The following GPT variants were observed in gnomAD, a reference collection of about 807,000 sequenced individuals.
GPT encodes glutamic--pyruvic transaminase, also known as alanine aminotransferase 1.
Under a neutral mutation model 51.4 loss-of-function variants are expected in GPT, and 60 were observed. The observed-to-expected ratio is 1.17, with a 90% CI of 0.95 to 1.45. The LOEUF is 1.45. Ranked by LOEUF, GPT falls within the 40% of genes most tolerant of loss-of-function variation. The pLI, the probability that GPT is intolerant of heterozygous loss-of-function variation, is 0.00. For missense variants in GPT, 853 were observed against 704.0 expected, an observed-to-expected ratio of 1.21 and a Z score of -2.40; for synonymous variants, 397 against 303.1, an observed-to-expected ratio of 1.31 and a Z score of -3.22.
chr8:144,504,744 C>T, intron 2 of GPT, 27 bp from the exon 3 acceptor site: 2 of 1,612,908 alleles, frequency 1.2e-6, no homozygotes, highest in Non-Finnish European at 1.7e-6. Context: ...GCCCATGTGC[C>T]CTGGCCTCAG....
Position 144,506,820 on chromosome 8 carries a change from G to T in GPT, c.1377G>T (p.Gln459His), listed in dbSNP as rs1480297965. Reference sequence around the variant, plus strand: ...TGGTGCCAGGGAGCGGCTTTGGGCAGCGGGAAGGCACCTACCACTTCCGGT... The same window carrying T: ...TGGTGCCAGGGAGCGGCTTTGGGCATCGGGAAGGCACCTACCACTTCCGGT... ...ICVVPGSGFG[Q>H]REGTYHFRMT... is the part of the protein sequence containing the mutation. The change falls in exon 10 of 11, where the codon CAG (glutamine) becomes CAT (histidine). Residue 459 changes from glutamine to histidine, a missense_variant. Physicochemically the swap from Gln to His is conservative, Grantham distance 24 (BLOSUM62 0). Transcript: ENST00000394955. This position sits in a 1 kb window ranked among gnomAD's most constrained non-coding sequence, Gnocchi z 7.0. The T allele has an allele frequency of 6.2e-7, 1 of 1,612,672 alleles. No homozygotes were observed. The highest frequency in any genetic ancestry group is 8.5e-7 in the Non-Finnish European group (1 of 1,180,000).
chr8:144,504,373 G>A lies in GPT; in HGVS notation c.69G>A (p.Leu23=). 2 of 1,611,708 alleles carry A rather than the reference G, an allele frequency of 1.2e-6. No homozygotes were observed. The highest frequency in any genetic ancestry group is 1.7e-6 in the Non-Finnish European group (2 of 1,179,940). Reference sequence around the variant, plus strand: ...GACTGAGGGCGAAGGTGCTGACGCTGGACGGCATGAACCCGCGTGTGCGGA... The same window carrying A: ...GACTGAGGGCGAAGGTGCTGACGCTAGACGGCATGAACCCGCGTGTGCGGA... ...RHGLRAKVLT[L]DGMNPRVRRV... is the part of the protein sequence containing the mutation. Residue 23 remains leucine (L), a synonymous_variant, in exon 1 of 11, where the codon CTG becomes CTA. Transcript: ENST00000394955.
At position 144,505,137 on chromosome 8, in the gene GPT, C is replaced by T. The variant is rs1586773090; in HGVS notation, c.495+6C>T. ...GGGCCAGCGATGCCATCGTGGTAGG[C>T]TGGGCATGGGCACCAAGACATTCCT... On this transcript the variant is annotated splice_donor_region_variant and intron_variant, in intron 4 of 10. Coordinates refer to ENST00000394955, the MANE Select transcript of GPT (RefSeq NM_005309.3). 2 of 1,612,934 alleles carry T rather than the reference C, an allele frequency of 1.2e-6. No individual in the cohort carries two copies. The highest frequency in any genetic ancestry group is 2.2e-5 in the South Asian group (2 of 91,088).
At position 144,505,047 on chromosome 8, in the gene GPT, G is replaced by A. The variant is rs372141763; in HGVS notation, c.411G>A (p.Ala137=). 2.9e-5 allele frequency: 46 copies of A among 1,613,040 alleles called. No individual in the cohort carries two copies. The highest frequency in any genetic ancestry group is 6.7e-5 in the African/African-American group (5 of 74,914). ...TCCAGCTGATCCGGGAGGACGTGGC[G>A]CGGTACATTGAGAGGCGTGACGGAG... ...SGIQLIREDV[A]RYIERRDGGI... The change falls in exon 4 of 11, where the codon GCG becomes GCA. Residue 137 remains alanine (A), a synonymous_variant. Coordinates refer to ENST00000394955, the MANE Select transcript of GPT (RefSeq NM_005309.3).
At chr8:144,504,927 G>A (rs1173477064) in intron 3 of GPT, 48 bp downstream of exon 3, 80 of 1,612,770 alleles carry the variant, frequency 5.0e-5, no homozygotes, top group Non-Finnish European at 6.7e-5. Flanking sequence ...TGCCACTGGA[G>A]GAGGGAAGTC....
Position 144,506,162 on chromosome 8 carries a change from CGGGCCATGGCCAGGCCCTCCTCGCCCGAT to C in GPT, c.956+38_957-35del, listed in dbSNP as rs1564778422. The C allele has an allele frequency of 1.2e-6, 2 of 1,604,452 alleles. No individual in the cohort carries two copies. Among genetic ancestry groups the C allele is most frequent in the East Asian group, 4.5e-5 (2 of 44,578 alleles). On this transcript the variant is annotated intron_variant, in intron 7 of 10. Coordinates refer to ENST00000394955, the MANE Select transcript of GPT (RefSeq NM_005309.3). This position sits in a 1 kb window ranked among gnomAD's most constrained non-coding sequence, Gnocchi z 7.0. The stretch of plus-strand genomic sequence containing the variant: ...TGCGTACGAGGCGGGTGGGGGCTCG[CGGGCCATGGCCAGGCCCTCCTCGCCCGAT>C]GGGCCACCCCCTCCTCCGCACCTGA...
In GPT at chr8:144,505,048, C is replaced by A; in HGVS notation, c.412C>A (p.Arg138=). 1 of 1,613,156 alleles carries A rather than the reference C, an allele frequency of 6.2e-7. No homozygotes were observed. The highest frequency in any genetic ancestry group is 8.5e-7 in the Non-Finnish European group (1 of 1,180,000). Residue 138 remains arginine (R), a synonymous_variant, in exon 4 of 11, where the codon CGG becomes AGG. Transcript: ENST00000394955. The part of the protein sequence containing the change: ...GIQLIREDVA[R]YIERRDGGIP... ...CCAGCTGATCCGGGAGGACGTGGCG[C>A]GGTACATTGAGAGGCGTGACGGAGG...
At position 144,505,491 on chromosome 8, in the gene GPT, T is replaced by A; in HGVS notation, c.739+2T>A. ...TCATCAACCCTGGCAACCCCACCGGTGCGTTCCCCGCCGCCCCGCCCCACT... is the reference window on the plus strand; with the variant it reads ...TCATCAACCCTGGCAACCCCACCGGAGCGTTCCCCGCCGCCCCGCCCCACT... On this transcript the variant is annotated splice_donor_variant, in intron 5 of 10. Transcript: ENST00000394955. LOFTEE classifies it high-confidence loss of function. 1 of 1,562,768 alleles carries A rather than the reference T, an allele frequency of 6.4e-7. No individual in the cohort carries two copies. Among genetic ancestry groups the A allele is most frequent in the Middle Eastern group, 2.3e-4 (1 of 4,376 alleles).
At position 144,504,782 on chromosome 8, in the gene GPT, C is replaced by G; in HGVS notation, c.264C>G (p.Leu88=). 1 of 1,613,666 alleles carries G rather than the reference C, an allele frequency of 6.2e-7. No homozygotes were observed. The highest frequency in any genetic ancestry group is 8.5e-7 in the Non-Finnish European group (1 of 1,179,976). ...PITFLRQVLA[L]CVNPDLLSSP... ...CTCCGTCTTCCCAGGTCTTGGCCCT[C>G]TGTGTTAACCCTGATCTTCTGAGCA... is the stretch of plus-strand genomic sequence containing the variant. Residue 88 remains leucine, a synonymous_variant, in exon 3 of 11, where the codon CTC becomes CTG. Coordinates refer to ENST00000394955, the MANE Select transcript of GPT (RefSeq NM_005309.3).
chr8:144,504,154 CGGTGAAGAG>C lies in GPT; in HGVS notation c.-146_-138del. 1 of 791,664 alleles carries C rather than the reference CGGTGAAGAG, an allele frequency of 1.3e-6. No individual in the cohort carries two copies. The highest frequency in any genetic ancestry group is 2.1e-6 in the Non-Finnish European group (1 of 478,316). The allele number at this position is 791,664 out of a possible 1,614,324, so 49.0% of individuals were successfully genotyped here. A position where few individuals can be genotyped will look rare whatever the true frequency, so the allele number is the denominator to read the frequency against. ...CTGTCCCTCCCAGTGAGGCCAGCTG[CGGTGAAGAG>C]GGTGCTCTCTTGCCTGGAGTTCCCT... On this transcript the variant is annotated 5_prime_UTR_variant, in exon 1 of 11. Coordinates refer to ENST00000394955, the MANE Select transcript of GPT (RefSeq NM_005309.3).
At position 144,506,539 on chromosome 8, in the gene GPT, C is replaced by A. The variant is rs149616184; in HGVS notation, c.1170C>A (p.Ala390=). 3 of 1,594,186 alleles carry A rather than the reference C, an allele frequency of 1.9e-6. No individual in the cohort carries two copies. Among genetic ancestry groups the A allele is most frequent in the Non-Finnish European group, 2.6e-6 (3 of 1,171,680 alleles). ...TGCTGGCAGAGCTGGCGGCCAAGGCCAAGCTCACCGAGCAGGTCTTCAATG... is the reference window on the plus strand; with the variant it reads ...TGCTGGCAGAGCTGGCGGCCAAGGCAAAGCTCACCGAGCAGGTCTTCAATG... ...QAVLAELAAK[A]KLTEQVFNEA... is the part of the protein sequence containing the mutation. Residue 390 remains alanine (A), a synonymous_variant, in exon 9 of 11, where the codon GCC becomes GCA. Transcript: ENST00000394955. The surrounding 1 kb of genome is among the most constrained non-coding windows in gnomAD (Gnocchi z 7.0).
Position 144,507,124 on chromosome 8 carries a change from C to T in GPT, c.*124C>T, listed in dbSNP as rs1251808593. 2.8e-6 allele frequency: 2 copies of T among 708,304 alleles called. No homozygotes were observed. Among genetic ancestry groups the T allele is most frequent in the East Asian group, 2.7e-5 (1 of 36,614 alleles). The allele number at this position is 708,304 out of a possible 1,614,324, so 43.9% of individuals were successfully genotyped here. Reference sequence around the variant, plus strand: ...GGTGGGGTGGGGGGGGTGCTGGGCCCCTGCCTCTCTGCAGGTCCCTAATAA... The same window carrying T: ...GGTGGGGTGGGGGGGGTGCTGGGCCTCTGCCTCTCTGCAGGTCCCTAATAA... On this transcript the variant is annotated 3_prime_UTR_variant, in exon 11 of 11. Transcript: ENST00000394955.
chr8:144,507,063 C>A lies in GPT; in HGVS notation c.*63C>A. On this transcript the variant is annotated 3_prime_UTR_variant, in exon 11 of 11. Coordinates refer to ENST00000394955, the MANE Select transcript of GPT (RefSeq NM_005309.3). Reference sequence around the variant, plus strand: ...GTGTGCTCAGGAGCCCTGGGAGGCTCTGGAGCCCACTGTACTTGCTCTTGA... The same window carrying A: ...GTGTGCTCAGGAGCCCTGGGAGGCTATGGAGCCCACTGTACTTGCTCTTGA... 1.5e-6 allele frequency: 1 copy of A among 676,020 alleles called. No individual in the cohort carries two copies. Among genetic ancestry groups the A allele is most frequent in the Non-Finnish European group, 2.4e-6 (1 of 416,060 alleles). The allele number at this position is 676,020 out of a possible 1,614,324, so 41.9% of individuals were successfully genotyped here.
At chr8:144,503,547 C>T (rs984315605), upstream of GPT, among the ~76,000 whole-genome samples, 16 of 152,054 alleles carry the variant, frequency 1.1e-4, no homozygotes, top group Admixed American at 8.5e-4. Flanking sequence ...CCCCCTCCCC[C>T]AGCCCCTCGC....
chr8:144,506,889 C>T lies in GPT; in HGVS notation c.1401-21C>T, dbSNP rs751016517. On this transcript the variant is annotated intron_variant, in intron 10 of 10. Coordinates refer to ENST00000394955, the MANE Select transcript of GPT (RefSeq NM_005309.3). The surrounding 1 kb of genome is among the most constrained non-coding windows in gnomAD (Gnocchi z 7.0). ...CCTGTCCCGCCACCCTGGCCCTTCA[C>T]TCACTGTCAACTCCTTTCAGGATGA... is the stretch of plus-strand genomic sequence containing the variant. 6.2e-7 allele frequency: 1 copy of T among 1,612,376 alleles called. No homozygotes were observed. Among genetic ancestry groups the T allele is most frequent in the Non-Finnish European group, 8.5e-7 (1 of 1,179,438 alleles).
chr8:144,505,720 C>G, intron 5 of GPT, 128 bp from the exon 6 acceptor site: 1 of 725,950 alleles, frequency 1.4e-6, no homozygotes, highest in South Asian at 1.7e-5. Context: ...CGCCGCCCCG[C>G]CCCACTCCTC....
At position 144,507,105 on chromosome 8, in the gene GPT, G is replaced by GA; in HGVS notation, c.*105_*106insA. On this transcript the variant is annotated 3_prime_UTR_variant, in exon 11 of 11. Coordinates refer to ENST00000394955, the MANE Select transcript of GPT (RefSeq NM_005309.3). ...TGCTCTTGATGCCTGGCGGGGTGGGGTGGGGGGGGTGCTGGGCCCCTGCCT... is the reference window on the plus strand; with the variant it reads ...TGCTCTTGATGCCTGGCGGGGTGGGGATGGGGGGGGTGCTGGGCCCCTGCCT... The GA allele has an allele frequency of 1.4e-6, 1 of 698,380 alleles. No homozygotes were observed. Among genetic ancestry groups the GA allele is most frequent in the African/African-American group, 1.8e-5 (1 of 55,508 alleles). 43.3% of individuals were successfully genotyped at this position (698,380 alleles called of 1,614,324 possible). A position where few individuals can be genotyped will look rare whatever the true frequency, so the allele number is the denominator to read the frequency against.
chr8:144,505,893 C>T lies in GPT; in HGVS notation c.785C>T (p.Ala262Val), dbSNP rs372255059. ...RECIEAVIRFAFEERLFLLAD... is the reference protein window; with the variant it reads ...RECIEAVIRFVFEERLFLLAD... ...TGCATCGAGGCCGTGATCCGCTTCG[C>T]CTTCGAAGAGCGGCTCTTTCTGCTG... Residue 262 changes from alanine to valine, a missense_variant, in exon 6 of 11, where the codon GCC (alanine) becomes GTC (valine). By Grantham distance (64) the Ala-to-Val change is moderately conservative. Coordinates refer to ENST00000394955, the MANE Select transcript of GPT (RefSeq NM_005309.3). 1.9e-5 allele frequency: 31 copies of T among 1,591,060 alleles called. No individual in the cohort carries two copies. The highest frequency in any genetic ancestry group is 2.4e-5 in the Non-Finnish European group (28 of 1,169,574).
upstream of GPT, among the ~76,000 whole-genome samples, chr8:144,503,451 C>A (rs1826632574): frequency 6.6e-6 from 1 of 152,124 alleles, no homozygotes; most frequent in Non-Finnish European, 1.5e-5. Context: ...CCAAGGGCAA[C>A]CCCCAGCTGG....
Sources: gnomAD v4.1 joint callset for allele counts (sites outside exome capture counted in the v4.1 genomes callset) on GRCh38, gnomAD v4.1.1 for gene constraint, Gnocchi (gnomAD v3.1) non-coding constraint, MANE v1.5 for transcripts, NCBI Gene and HGNC (gene_info 2026-07-23, HGNC 2026-07-21) for gene names.